The following LPA variants were observed in gnomAD, a reference collection of about 807,000 sequenced individuals.
LPA encodes lipoprotein(a), also known as apolipoprotein(a).
A neutral mutation model predicts 197.9 loss-of-function variants in LPA; 199 were observed. That is an observed-to-expected ratio of 1.01 (90% CI 0.90 to 1.13). The LOEUF (loss-of-function observed/expected upper bound fraction) is 1.13. Ranked by LOEUF, LPA falls within the 50% of genes most tolerant of loss-of-function variation. The pLI is 0.00. For synonymous variants in LPA, 715 were observed against 639.5 expected (o/e 1.12, Z -1.78); for missense variants, 1,853 against 1,785.8 (o/e 1.04, Z -0.68).
Position 160,534,189 on chromosome 6 carries a change from G to A in LPA, c.5843-1540C>T, listed in dbSNP as rs368443469. Among the ~76,000 whole-genome samples, 38 of 152,254 alleles carry A rather than the reference G, an allele frequency of 2.5e-4. No homozygotes were observed. The South Asian group carries it at 6.9e-3, about 27-fold the overall frequency. On this transcript the variant is annotated intron_variant, in intron 37 of 38. Transcript: ENST00000316300. ...AAGCTCCTCCTGACTACCGAGCATT[G>A]GGCATGGGATGCATCACCTGGACTG...
At chr6:160,572,723 A>G (rs1372259140) in intron 28 of LPA, among the ~76,000 whole-genome samples, 1 of 152,202 alleles carries the variant, frequency 6.6e-6, no homozygotes, top group Non-Finnish European at 1.5e-5. Context: ...TGAGGAGGCT[A>G]TGATAGGGCT....
chr6:160,541,332 C>G lies in LPA; in HGVS notation c.5520-151G>C, dbSNP rs566382572. On this transcript the variant is annotated intron_variant, in intron 34 of 38. Transcript: ENST00000316300. ...CCGCCCAACGTCAGGATAGTAGAAACTTCGAGCTGTGCTCCAGTAGTGAGA... is the reference window on the plus strand; with the variant it reads ...CCGCCCAACGTCAGGATAGTAGAAAGTTCGAGCTGTGCTCCAGTAGTGAGA... The G allele has an allele frequency of 5.8e-6, 4 of 691,210 alleles. No individual in the cohort carries two copies. The South Asian group carries it at 6.4e-5, about 11-fold the overall frequency. 42.8% of individuals were successfully genotyped at this position (691,210 alleles called of 1,614,324 possible). A position where few individuals can be genotyped will look rare whatever the true frequency, so the allele number is the denominator to read the frequency against.
intron 1 of LPA, among the ~76,000 whole-genome samples, chr6:160,655,455 T>C (rs979584193): frequency 6.6e-6 from 1 of 152,190 alleles, no homozygotes; most frequent in Non-Finnish European, 1.5e-5. Flanking sequence ...CCTTCTTTTG[T>C]TCTAGACTGC....
intron 34 of LPA, 50 bp from the exon 35 acceptor site, chr6:160,541,231 A>G: frequency 7.8e-7 from 1 of 1,279,340 alleles, no homozygotes; most frequent in South Asian, 1.2e-5. Flanking sequence ...GGTTTGTTCT[A>G]CTTCATTGTA....
At chr6:160,559,346 T>C (rs1778324181) in intron 28 of LPA, among the ~76,000 whole-genome samples, 1 of 152,238 alleles carries the variant, frequency 6.6e-6, no homozygotes, top group Admixed American at 6.5e-5. Context: ...CCATGCTATT[T>C]AAGATACTCA....
chr6:160,541,260 A>G (rs560807136), intron 34 of LPA, 79 bp from the exon 35 acceptor site: 8 of 1,023,328 alleles, frequency 7.8e-6, no homozygotes, highest in East Asian at 7.2e-5. Context: ...CAGGAAGACA[A>G]GTTCACTCAG....
At chr6:160,555,902 C>T (rs1224866594) in intron 30 of LPA, 123 bp downstream of exon 30, 1 of 1,042,354 alleles carries the variant, frequency 9.6e-7, no homozygotes, top group African/African-American at 1.6e-5. Context: ...GTTGTCTGGA[C>T]ATTTTGACAC....
At chr6:160,653,099 T>C (rs1362546753) in intron 1 of LPA, among the ~76,000 whole-genome samples, 2 of 152,078 alleles carry the variant, frequency 1.3e-5, no homozygotes, top group South Asian at 2.1e-4. Flanking sequence ...GAAAAAGATA[T>C]ACAAATACTA....
At chr6:160,542,404 T>C (rs898691428) in intron 34 of LPA, among the ~76,000 whole-genome samples, 3 of 152,224 alleles carry the variant, frequency 2.0e-5, no homozygotes, top group Non-Finnish European at 4.4e-5. Flanking sequence ...CCTCAGAGCA[T>C]CTTCAATATT....
At chr6:160,598,598 T>G (rs1583609091) in intron 20 of LPA, among the ~76,000 whole-genome samples, 1 of 152,226 alleles carries the variant, frequency 6.6e-6, no homozygotes, top group Admixed American at 6.5e-5. Context: ...AGACTGGCCA[T>G]AGAATGGCCA....
intron 26 of LPA, among the ~76,000 whole-genome samples, chr6:160,584,655 G>C (rs1343182316): frequency 6.6e-6 from 1 of 152,012 alleles, no homozygotes; most frequent in Non-Finnish European, 1.5e-5. Context: ...TCTGATTCGT[G>C]TCAAAAATGG....
In LPA at chr6:160,557,459, T is replaced by C; in HGVS notation, c.4744A>G (p.Thr1582Ala). Reference protein sequence around the residue: ...EYCNLTQCSETESGVLETPTV... With the variant: ...EYCNLTQCSEAESGVLETPTV... ...GGAGTCTCTAGGACACCTGATTCTG[T>C]TTCTGAGCATTGTGTCAGATTGCAG... Residue 1582 changes from threonine to alanine, a missense_variant, in exon 29 of 39, where the codon ACA (threonine) becomes GCA (alanine). Thr to Ala is a moderately conservative substitution (Grantham distance 58, BLOSUM62 0). Around this residue, in one of 3 missense-constraint regions of LPA, gnomAD observed 1,737 missense variants for 1,504.4 expected, o/e 1.15. Coordinates refer to ENST00000316300, the MANE Select transcript of LPA (RefSeq NM_005577.4). The C allele has an allele frequency of 6.2e-7, 1 of 1,614,142 alleles. No homozygotes were observed. The highest frequency in any genetic ancestry group is 1.1e-5 in the South Asian group (1 of 91,074).
intron 2 of LPA, among the ~76,000 whole-genome samples, chr6:160,647,095 G>A (rs1365071595): frequency 2.0e-5 from 3 of 152,192 alleles, no homozygotes; most frequent in Non-Finnish European, 4.4e-5. Flanking sequence ...TCTCTAGAAT[G>A]GGTTCCTGGG....
intron 2 of LPA, among the ~76,000 whole-genome samples, 195 bp from the exon 3 acceptor site, chr6:160,646,590 GATT>G (rs1360126514): frequency 5.9e-5 from 4 of 67,302 alleles, no homozygotes; most frequent in Non-Finnish European, 9.1e-5. Flanking sequence ...ATACTTAATA[GATT>G]ATTACTATTT....
intron 30 of LPA, among the ~76,000 whole-genome samples, chr6:160,549,944 T>C (rs1778141610): frequency 6.6e-6 from 1 of 152,256 alleles, no homozygotes; most frequent in Non-Finnish European, 1.5e-5. Context: ...AGGCACAGGC[T>C]GGGTGCTTTG....
At chr6:160,597,144 C>T (rs1440288719) in intron 20 of LPA, among the ~76,000 whole-genome samples, 2 of 152,078 alleles carry the variant, frequency 1.3e-5, no homozygotes, top group Admixed American at 1.3e-4. Context: ...AATGTGTACT[C>T]GGTAGTTCGG....
intron 28 of LPA, among the ~76,000 whole-genome samples, chr6:160,561,077 T>A (rs1360201593): frequency 6.6e-6 from 1 of 152,028 alleles, no homozygotes; most frequent in Non-Finnish European, 1.5e-5. Flanking sequence ...ACCCAGCTAA[T>A]TTTTTGTATT....
At chr6:160,579,218 A>G (rs1281978822) in intron 26 of LPA, among the ~76,000 whole-genome samples, 1 of 152,114 alleles carries the variant, frequency 6.6e-6, no homozygotes, top group Non-Finnish European at 1.5e-5. Flanking sequence ...CCCTTACTCT[A>G]TTTACTCATA....
At chr6:160,634,885 T>G (rs1461758217) in intron 7 of LPA, among the ~76,000 whole-genome samples, 10 of 150,172 alleles carry the variant, frequency 6.7e-5, no homozygotes, top group Non-Finnish European at 1.3e-4. Flanking sequence ...AGGTGAGTTG[T>G]GAAGCCCATC....
Sources: allele counts gnomAD v4.1 joint callset (sites outside exome capture counted in the v4.1 genomes callset), GRCh38; gene constraint gnomAD v4.1.1; regional missense constraint gnomAD v4.1.1; transcripts MANE v1.5; gene names NCBI Gene and HGNC (gene_info 2026-07-23, HGNC 2026-07-21).